Variants in GALNTL6 observed in about 807,000 individuals in gnomAD.
The protein encoded by GALNTL6 is polypeptide N-acetylgalactosaminyltransferase-like 6.
Under a neutral mutation model 73.7 loss-of-function variants are expected in GALNTL6, and 46 were observed. That is an observed-to-expected ratio of 0.62 (90% CI 0.49 to 0.80). The LOEUF is 0.80. Among genes scored for constraint, GALNTL6 ranks in the 30% least tolerant of loss-of-function variants. The pLI is 0.00. For synonymous variants in GALNTL6, 259 were observed against 263.7 expected, an observed-to-expected ratio of 0.98 and a Z score of 0.17; for missense variants, 604 against 755.0, an observed-to-expected ratio of 0.80 and a Z score of 2.34.
At chr4:172,108,085 T>C (rs963684594) in intron 2 of GALNTL6, among the ~76,000 whole-genome samples, 8 of 152,202 alleles carry the variant, frequency 5.3e-5, no homozygotes, top group Non-Finnish European at 1.0e-4. Flanking sequence ...GGGAAACAGT[T>C]AATGTAAACT....
chr4:172,048,069 C>T (rs1380484938), intron 2 of GALNTL6, among the ~76,000 whole-genome samples: 1 of 152,012 alleles, frequency 6.6e-6, no homozygotes, highest in Non-Finnish European at 1.5e-5. Flanking sequence ...TTATCTTTCT[C>T]TTATCTTCAC....
At chr4:172,879,970 C>A (rs921072500) in intron 7 of GALNTL6, among the ~76,000 whole-genome samples, 7 of 151,998 alleles carry the variant, frequency 4.6e-5, no homozygotes, top group Non-Finnish European at 7.4e-5. Flanking sequence ...CCACTACACA[C>A]CTATTATCAT....
At chr4:172,379,556 A>C (rs2129040) in intron 5 of GALNTL6, among the ~76,000 whole-genome samples, 15,454 of 143,822 alleles carry the variant, frequency 0.11, 1,062 homozygotes, top group East Asian at 0.16. Flanking sequence ...AAAAAAAAAA[A>C]AGAACGGGTT....
chr4:172,112,034 A>G (rs977744108), intron 2 of GALNTL6, among the ~76,000 whole-genome samples: 6 of 152,070 alleles, frequency 3.9e-5, no homozygotes, highest in African/African-American at 1.4e-4. Context: ...GACTAATTTC[A>G]CTGTCCTAAA....
chr4:172,879,136 G>A (rs955025386), intron 7 of GALNTL6, among the ~76,000 whole-genome samples: 8 of 151,796 alleles, frequency 5.3e-5, no homozygotes, highest in Admixed American at 4.6e-4. Flanking sequence ...GCAAAAAACT[G>A]ACAGAATAGC....
At position 172,640,150 on chromosome 4, in the gene GALNTL6, G is replaced by C. The variant is rs1361889003; in HGVS notation, c.554-169211G>C. Among the ~76,000 whole-genome samples the C allele has an allele frequency of 2.0e-5, 3 of 152,110 alleles. No homozygotes were observed. In the East Asian group the frequency reaches 5.8e-4, roughly 29 times the overall value. Reference sequence around the variant, plus strand: ...GTTCACTGAAACTGATCTTATAAAAGTCATCAAAAAACCATTACATTACAA... The same window carrying C: ...GTTCACTGAAACTGATCTTATAAAACTCATCAAAAAACCATTACATTACAA... On this transcript the variant is annotated intron_variant, in intron 5 of 12. Coordinates refer to ENST00000506823, the MANE Select transcript of GALNTL6 (RefSeq NM_001034845.3).
chr4:172,359,451 T>C (rs1281011208), intron 5 of GALNTL6, among the ~76,000 whole-genome samples: 1 of 152,164 alleles, frequency 6.6e-6, no homozygotes, highest in Non-Finnish European at 1.5e-5. Context: ...AACAAATCCC[T>C]ATGACATGAG....
intron 2 of GALNTL6, among the ~76,000 whole-genome samples, chr4:172,221,080 A>C (rs936685352): frequency 6.6e-6 from 1 of 151,926 alleles, no homozygotes; most frequent in African/African-American, 2.4e-5. Context: ...TTGGTAGTAG[A>C]TATATGAAAG....
At chr4:171,958,470 T>A (rs893471804) in intron 2 of GALNTL6, among the ~76,000 whole-genome samples, 1 of 152,174 alleles carries the variant, frequency 6.6e-6, no homozygotes, top group African/African-American at 2.4e-5. Flanking sequence ...AATAAGTATA[T>A]TTTAAAAATT....
intron 5 of GALNTL6, among the ~76,000 whole-genome samples, chr4:172,627,191 T>C (rs1309908522): frequency 6.6e-6 from 1 of 152,110 alleles, no homozygotes; most frequent in African/African-American, 2.4e-5. Context: ...TTGGTGAAGG[T>C]TTTTATCATG....
At chr4:172,639,860 A>G (rs1403810046) in intron 5 of GALNTL6, among the ~76,000 whole-genome samples, 1 of 152,056 alleles carries the variant, frequency 6.6e-6, no homozygotes, top group East Asian at 1.9e-4. Context: ...TTTTTCATCT[A>G]CTCAAGCACA....
intron 2 of GALNTL6, among the ~76,000 whole-genome samples, chr4:172,053,127 T>A (rs1003326953): frequency 3.2e-4 from 48 of 152,128 alleles, no homozygotes; most frequent in African/African-American, 1.2e-3. Flanking sequence ...TGAACTCACG[T>A]CTAATTACCA....
At chr4:172,249,513 T>C (rs778456249) in intron 3 of GALNTL6, among the ~76,000 whole-genome samples, 39 of 151,940 alleles carry the variant, frequency 2.6e-4, no homozygotes, top group Non-Finnish European at 5.1e-4. Flanking sequence ...GGGGAAAATA[T>C]CTCTAGGGCA....
At position 172,206,814 on chromosome 4, in the gene GALNTL6, GTTTGTTTTTTT is replaced by G. The variant is rs1736140672; in HGVS notation, c.139-22838_139-22828del. ...TTTGTTTTGTTTTTCTGTTTTTTTT[GTTTGTTTTTTT>G]TTTTTTTTTTGAGACGGAGTCTCAC... On this transcript the variant is annotated intron_variant, in intron 2 of 12. Transcript: ENST00000506823. 5.2e-5 allele frequency among the ~76,000 whole-genome samples: 3 copies of G among 57,964 alleles called. 1 individual carries two copies. The Admixed American group carries it at 7.3e-4, about 14-fold the overall frequency. 38.0% of individuals were successfully genotyped at this position (57,964 alleles called of 152,430 possible). A position where few individuals can be genotyped will look rare whatever the true frequency, so the allele number is the denominator to read the frequency against.
rs570465919 is a variant in GALNTL6, at chr4:172,378,826, AGATT to A, written c.553+30142_553+30145del. Among the ~76,000 whole-genome samples, 120 of 149,946 alleles carry A rather than the reference AGATT, an allele frequency of 8.0e-4. 1 individual carries two copies. Among genetic ancestry groups the A allele is most frequent in the African/African-American group, 2.9e-3 (119 of 41,206 alleles). Reference sequence around the variant, plus strand: ...GAGACTGTACATTAAAAACTGGATGAGATTGATTATATTTTATTTTTATGAAAAT... The same window carrying A: ...GAGACTGTACATTAAAAACTGGATGAGATTATATTTTATTTTTATGAAAAT... On this transcript the variant is annotated intron_variant, in intron 5 of 12. Coordinates refer to ENST00000506823, the MANE Select transcript of GALNTL6 (RefSeq NM_001034845.3).
chr4:172,960,163 G>A (rs899726353), intron 10 of GALNTL6, among the ~76,000 whole-genome samples: 4 of 152,172 alleles, frequency 2.6e-5, no homozygotes, highest in South Asian at 2.1e-4. Flanking sequence ...GCTGTAAAGC[G>A]TCTCAGGGTT....
intron 5 of GALNTL6, among the ~76,000 whole-genome samples, chr4:172,775,004 A>T (rs867935359): frequency 8.5e-5 from 11 of 128,994 alleles, no homozygotes; most frequent in African/African-American, 3.7e-4. Flanking sequence ...ATAATAATAA[A>T]ATCCAGAAGA....
intron 5 of GALNTL6, among the ~76,000 whole-genome samples, chr4:172,554,527 C>T (rs1736075588): frequency 6.6e-6 from 1 of 151,936 alleles, no homozygotes; most frequent in Non-Finnish European, 1.5e-5. Context: ...ATGTGGTAAC[C>T]CATACTCAAG....
chr4:171,996,546 C>T (rs1158159547), intron 2 of GALNTL6, among the ~76,000 whole-genome samples: 1 of 151,918 alleles, frequency 6.6e-6, no homozygotes, highest in Non-Finnish European at 1.5e-5. Flanking sequence ...GCGTTTGTCA[C>T]AGGAGAAGAA....
Sources: gnomAD v4.1 joint callset for allele counts (sites outside exome capture counted in the v4.1 genomes callset) on GRCh38, gnomAD v4.1.1 for gene constraint, MANE v1.5 for transcripts, NCBI Gene and HGNC (gene_info 2026-07-23, HGNC 2026-07-21) for gene names.